Variants in SIPA1L2 observed in about 807,000 individuals in gnomAD.
The protein encoded by SIPA1L2 is signal induced proliferation associated 1 like 2, also known as signal-induced proliferation-associated 1-like protein 2.
Under a neutral mutation model 163.9 loss-of-function variants are expected in SIPA1L2, and 56 were observed. The observed-to-expected ratio is 0.34, with a 90% confidence interval of 0.28 to 0.43. SIPA1L2 has a LOEUF of 0.43. Among genes scored for constraint, SIPA1L2 ranks in the 20% least tolerant of loss-of-function variants. The pLI is 1.00. For missense variants in SIPA1L2, 1,974 were observed against 2,193.5 expected (o/e 0.90, Z 2.00); for synonymous variants, 877 against 865.7 (o/e 1.01, Z -0.23).
At position 232,496,519 on chromosome 1, in the gene SIPA1L2, A is replaced by C. The variant is rs543265887; in HGVS notation, c.1484-2859T>G. Among the ~76,000 whole-genome samples, 53 of 152,028 alleles carry C rather than the reference A, an allele frequency of 3.5e-4. 1 individual carries two copies. In the South Asian group the frequency reaches 0.011, roughly 31 times the overall value. ...GCTCCAGTGACATTAAGCATACATA[A>C]ACAAAGATCTGGTTTTAAGAAGAGC... On this transcript the variant is annotated intron_variant, in intron 3 of 22. Transcript: ENST00000674635.
chr1:232,418,053 C>T (rs77763642), intron 18 of SIPA1L2, among the ~76,000 whole-genome samples: 2,606 of 152,306 alleles, frequency 0.017, 53 homozygotes, highest in African/African-American at 0.052. Flanking sequence ...AATGCCAACT[C>T]GTGAATTTTC....
intron 10 of SIPA1L2, among the ~76,000 whole-genome samples, chr1:232,446,056 C>T (rs957110366): frequency 1.3e-5 from 2 of 152,186 alleles, no homozygotes; most frequent in Non-Finnish European, 2.9e-5. Flanking sequence ...CGTGCAGCCA[C>T]ACACATCATC....
chr1:232,502,729 C>T (rs1666543359), intron 3 of SIPA1L2, among the ~76,000 whole-genome samples: 1 of 152,168 alleles, frequency 6.6e-6, no homozygotes, highest in Non-Finnish European at 1.5e-5. Flanking sequence ...TTTTATGCCT[C>T]CTAACCATCT....
In SIPA1L2 at chr1:232,465,517, TACACACAC is replaced by T; in HGVS notation, c.2244-109_2244-102del. ...ATATACACACACACACACATATACA[TACACACAC>T]ACACACACATATACATACACACATA... On this transcript the variant is annotated intron_variant, in intron 8 of 22. Transcript: ENST00000674635. This position sits in a 1 kb window ranked among gnomAD's most constrained non-coding sequence, Gnocchi z 4.1. 1.8e-6 allele frequency: 1 copy of T among 562,908 alleles called. No homozygotes were observed. Among genetic ancestry groups the T allele is most frequent in the Non-Finnish European group, 2.9e-6 (1 of 344,682 alleles). The allele number at this position is 562,908 out of a possible 1,614,324, so 34.9% of individuals were successfully genotyped here. A position where few individuals can be genotyped will look rare whatever the true frequency, so the allele number is the denominator to read the frequency against.
intron 15 of SIPA1L2, 111 bp from the exon 16 acceptor site, chr1:232,432,582 A>G: frequency 1.0e-6 from 1 of 1,004,072 alleles, no homozygotes; most frequent in South Asian, 1.6e-5. Context: ...CGAGAGCAAA[A>G]TCGGGCCCAG....
At position 232,630,092 on chromosome 1, in the gene SIPA1L2, C is replaced by T. The variant is rs1663310517; in HGVS notation, c.-542G>A. Among the ~76,000 whole-genome samples the T allele has an allele frequency of 6.6e-6, 1 of 151,000 alleles. No homozygotes were observed. The highest frequency in any genetic ancestry group is 2.4e-5 in the African/African-American group (1 of 41,288). On this transcript the variant is annotated 5_prime_UTR_variant, in exon 1 of 23. Coordinates refer to ENST00000674635, the MANE Select transcript of SIPA1L2 (RefSeq NM_020808.5). ...GGCGCGGTGCTCCTCCTCCGTCCTCCTCCTCCTCTCGCTCCGCCAGCTCCT... is the reference window on the plus strand; with the variant it reads ...GGCGCGGTGCTCCTCCTCCGTCCTCTTCCTCCTCTCGCTCCGCCAGCTCCT...
intron 6 of SIPA1L2, 96 bp downstream of exon 6, chr1:232,483,696 G>A (rs574063479): frequency 3.1e-5 from 42 of 1,375,880 alleles, no homozygotes; most frequent in African/African-American, 2.9e-4. Context: ...TTCTGGGGCC[G>A]GGAACAGGAG....
chr1:232,484,745 C>T (rs944861415), intron 5 of SIPA1L2, among the ~76,000 whole-genome samples: 1 of 152,156 alleles, frequency 6.6e-6, no homozygotes, highest in Non-Finnish European at 1.5e-5. Context: ...CATTTTCACA[C>T]CTTTCTTATG....
rs1318830213 is a variant in SIPA1L2, at chr1:232,432,291, C to T, written c.4212G>A (p.Glu1404=). ...NKYVIGWKKS[E]GSPPPEEPEV... is the part of the protein sequence containing the mutation. ...CAGGCTCCTCGGGCGGTGGGCTGCC[C>T]TCCGATTTCTTCCAGCCGATGACAT... The change falls in exon 16 of 23, where the codon GAG becomes GAA. Residue 1404 remains glutamate, a synonymous_variant. Coordinates refer to ENST00000674635, the MANE Select transcript of SIPA1L2 (RefSeq NM_020808.5). 6.2e-7 allele frequency: 1 copy of T among 1,614,168 alleles called. No homozygotes were observed. The highest frequency in any genetic ancestry group is 8.5e-7 in the Non-Finnish European group (1 of 1,180,038).
intron 1 of SIPA1L2, among the ~76,000 whole-genome samples, chr1:232,601,565 T>C (rs940148696): frequency 1.3e-5 from 2 of 152,244 alleles, no homozygotes; most frequent in Admixed American, 6.5e-5. Flanking sequence ...CCAGTTTTTA[T>C]GTGTCTTCAA....
At position 232,548,819 on chromosome 1, in the gene SIPA1L2, G is replaced by T. The variant is rs536825908; in HGVS notation, c.-270+25355C>A. 2.0e-5 allele frequency among the ~76,000 whole-genome samples: 3 copies of T among 152,172 alleles called. No homozygotes were observed. In the East Asian group the frequency reaches 5.8e-4, roughly 29 times the overall value. On this transcript the variant is annotated intron_variant, in intron 2 of 22. Transcript: ENST00000674635. ...TCACAGAAGGATGGCATGGATCCAG[G>T]CAGGGGACGCAGCCTACGCAAAGAC...
At chr1:232,446,725 G>C (rs925646407) in intron 10 of SIPA1L2, among the ~76,000 whole-genome samples, 1 of 152,202 alleles carries the variant, frequency 6.6e-6, no homozygotes, top group African/African-American at 2.4e-5. Context: ...TACAAACTTT[G>C]TATGAGATTT....
chr1:232,481,349 T>C (rs923041923), intron 6 of SIPA1L2, among the ~76,000 whole-genome samples: 1 of 152,056 alleles, frequency 6.6e-6, no homozygotes, highest in Non-Finnish European at 1.5e-5. Context: ...AGGCCTGGTA[T>C]GTTCAATGAC....
Position 232,470,847 on chromosome 1 carries a change from G to A in SIPA1L2, c.2243+524C>T, listed in dbSNP as rs4649268. Reference sequence around the variant, plus strand: ...AATACCCCACATGATATGATCATTTGGCTGCAGTTATTCCCTAAGATTTCC... The same window carrying A: ...AATACCCCACATGATATGATCATTTAGCTGCAGTTATTCCCTAAGATTTCC... On this transcript the variant is annotated intron_variant, in intron 8 of 22. Coordinates refer to ENST00000674635, the MANE Select transcript of SIPA1L2 (RefSeq NM_020808.5). Among the ~76,000 whole-genome samples, 3 of 152,116 alleles carry A rather than the reference G, an allele frequency of 2.0e-5. No individual in the cohort carries two copies. The South Asian group carries it at 6.2e-4, about 32-fold the overall frequency.
intron 17 of SIPA1L2, 135 bp downstream of exon 17, chr1:232,428,276 G>T: frequency 1.5e-6 from 1 of 669,116 alleles, no homozygotes; most frequent in Non-Finnish European, 2.2e-6. Flanking sequence ...TCAACTATGT[G>T]CAGTGAGTTG....
Position 232,515,116 on chromosome 1 carries a change from C to T in SIPA1L2, c.224G>A (p.Gly75Asp), listed in dbSNP as rs1265335579. 1.2e-6 allele frequency: 2 copies of T among 1,613,824 alleles called. No homozygotes were observed. The highest frequency in any genetic ancestry group is 2.2e-5 in the East Asian group (1 of 44,886). Residue 75 changes from glycine to aspartate, a missense_variant, in exon 3 of 23, where the codon GGT becomes GAT. Coordinates refer to ENST00000674635, the MANE Select transcript of SIPA1L2 (RefSeq NM_020808.5). ...ANGTPAVPKMGVRARVSEWPP... is the reference protein window; with the variant it reads ...ANGTPAVPKMDVRARVSEWPP... ...CCATTCAGACACCCTTGCTCTCACA[C>T]CCATCTTGGGCACAGCTGGGGTACC...
chr1:232,521,442 G>A (rs530337419), intron 2 of SIPA1L2, among the ~76,000 whole-genome samples: 21 of 152,130 alleles, frequency 1.4e-4, no homozygotes, highest in Non-Finnish European at 3.1e-4. Flanking sequence ...CCTTTATACT[G>A]ATTTGTACTT....
At chr1:232,449,276 T>TG (rs529093396) in intron 10 of SIPA1L2, among the ~76,000 whole-genome samples, 315 of 150,966 alleles carry the variant, frequency 2.1e-3, no homozygotes, top group African/African-American at 5.6e-3. Flanking sequence ...CCCAGCACTT[T>TG]GGGGGGCCGA....
intron 16 of SIPA1L2, among the ~76,000 whole-genome samples, chr1:232,429,719 G>A (rs951889985): frequency 2.0e-5 from 3 of 151,990 alleles, no homozygotes; most frequent in Non-Finnish European, 4.4e-5. Flanking sequence ...AAACCAAGAC[G>A]CTGGAGGGCT....
Sources: gnomAD v4.1 joint callset for allele counts (sites outside exome capture counted in the v4.1 genomes callset) on GRCh38, gnomAD v4.1.1 for gene constraint, Gnocchi (gnomAD v3.1) non-coding constraint, MANE v1.5 for transcripts, NCBI Gene and HGNC (gene_info 2026-07-23, HGNC 2026-07-21) for gene names.